ADGRL4: variants seen among roughly 807,000 people sequenced by gnomAD.
The protein encoded by ADGRL4 is EGF, latrophilin and seven transmembrane domain containing 1.
Under a neutral mutation model 74.8 loss-of-function variants are expected in ADGRL4, and 90 were observed. The observed-to-expected ratio is 1.20, with a 90% CI of 1.02 to 1.43. ADGRL4 has a LOEUF of 1.43. Ranked by LOEUF, ADGRL4 falls within the 40% of genes most tolerant of loss-of-function variation. The pLI is 0.00. For missense variants in ADGRL4, 881 were observed against 814.3 expected (o/e 1.08, Z -1.00); for synonymous variants, 311 against 279.2 (o/e 1.11, Z -1.14).
intron 2 of ADGRL4, among the ~76,000 whole-genome samples, chr1:78,985,937 G>C (rs1650485052): frequency 6.6e-6 from 1 of 151,670 alleles, no homozygotes; most frequent in South Asian, 2.1e-4. Flanking sequence ...ACCAAATAAT[G>C]CCATGTTCTC....
chr1:79,000,455 C>T (rs1279176615), intron 2 of ADGRL4, among the ~76,000 whole-genome samples: 1 of 152,152 alleles, frequency 6.6e-6, no homozygotes, highest in Non-Finnish European at 1.5e-5. Context: ...GTCAGCAAAA[C>T]TCAAATCACA....
chr1:78,975,442 A>G (rs530339841), intron 2 of ADGRL4, among the ~76,000 whole-genome samples: 17 of 152,140 alleles, frequency 1.1e-4, no homozygotes, highest in Non-Finnish European at 2.9e-5. Context: ...TGTCCCTTAA[A>G]CAATTATCTG....
chr1:78,946,350 A>G lies in ADGRL4; in HGVS notation c.249T>C (p.Tyr83=). The change falls in exon 3 of 15, where the codon TAT becomes TAC. Residue 83 remains tyrosine, a synonymous_variant. Transcript: ENST00000370742. ...ATCTGAAGCCAGGTACACACATACA[A>G]TAATAACTTCCTTCTGTGTTAGTGC... The part of the protein sequence containing the change: ...ANCTNTEGSY[Y]CMCVPGFRSS... 1 of 1,613,454 alleles carries G rather than the reference A, an allele frequency of 6.2e-7. No individual in the cohort carries two copies.
intron 2 of ADGRL4, among the ~76,000 whole-genome samples, chr1:78,975,156 G>A (rs17414239): frequency 0.23 from 35,428 of 151,978 alleles, 4,718 homozygotes; most frequent in Middle Eastern, 0.32. Context: ...AGAATTGGCA[G>A]TTTCTTTAGT....
At chr1:78,914,091 G>A (rs10158521) in intron 12 of ADGRL4, among the ~76,000 whole-genome samples, 42,778 of 151,678 alleles carry the variant, frequency 0.28, 6,129 homozygotes, top group African/African-American at 0.35. Context: ...TTCTCCCTCA[G>A]AAGGAATCTG....
chr1:78,950,714 A>G (rs1370877277), intron 2 of ADGRL4, among the ~76,000 whole-genome samples: 2 of 152,180 alleles, frequency 1.3e-5, no homozygotes, highest in Non-Finnish European at 2.9e-5. Flanking sequence ...TAAATTTTTC[A>G]TAATAAAATA....
chr1:78,944,372 G>T (rs1037943603), intron 3 of ADGRL4, among the ~76,000 whole-genome samples: 2 of 152,152 alleles, frequency 1.3e-5, no homozygotes, highest in African/African-American at 4.8e-5. Flanking sequence ...AAGGTAAAAA[G>T]CACATTATAT....
At chr1:78,950,714 A>T (rs1370877277) in intron 2 of ADGRL4, among the ~76,000 whole-genome samples, 2 of 152,180 alleles carry the variant, frequency 1.3e-5, no homozygotes, top group East Asian at 3.8e-4. Flanking sequence ...TAAATTTTTC[A>T]TAATAAAATA....
chr1:78,934,671 AC>A (rs1182247427), intron 7 of ADGRL4, among the ~76,000 whole-genome samples: 2 of 152,152 alleles, frequency 1.3e-5, no homozygotes, highest in Admixed American at 1.3e-4. Context: ...AAGGTCTAAT[AC>A]CCAGCATCTA....
At chr1:78,945,176 AAATATAT>A (rs1649570668) in intron 3 of ADGRL4, among the ~76,000 whole-genome samples, 1 of 131,298 alleles carries the variant, frequency 7.6e-6, no homozygotes, top group Non-Finnish European at 1.6e-5. Flanking sequence ...AAAAAAAAAA[AAATATAT>A]ATATATATAT....
intron 4 of ADGRL4, 25 bp from the exon 5 acceptor site, chr1:78,938,304 A>G (rs1428307064): frequency 1.3e-6 from 2 of 1,530,340 alleles, no homozygotes; most frequent in African/African-American, 1.4e-5. Context: ...GTCCAGAAAA[A>G]GGAAACTAAA....
At chr1:78,948,627 A>G (rs558939797) in intron 2 of ADGRL4, among the ~76,000 whole-genome samples, 1 of 152,220 alleles carries the variant, frequency 6.6e-6, no homozygotes, top group East Asian at 1.9e-4. Context: ...CATTTAATTA[A>G]TTTACCTATT....
At chr1:78,997,506 G>A (rs1472724447) in intron 2 of ADGRL4, among the ~76,000 whole-genome samples, 1 of 152,104 alleles carries the variant, frequency 6.6e-6, no homozygotes, top group African/African-American at 2.4e-5. Flanking sequence ...AAAATTTTGA[G>A]GTTATATCAA....
chr1:78,894,753 T>G (rs1008176270), intron 12 of ADGRL4, among the ~76,000 whole-genome samples: 1 of 152,006 alleles, frequency 6.6e-6, no homozygotes, highest in East Asian at 1.9e-4. Flanking sequence ...AAATAATTTT[T>G]ATGAGGTATT....
chr1:78,950,125 G>T lies in ADGRL4; in HGVS notation c.173-3699C>A, dbSNP rs191670644. 1.6e-4 allele frequency among the ~76,000 whole-genome samples: 25 copies of T among 152,236 alleles called. No individual in the cohort carries two copies. The East Asian group carries it at 3.7e-3, about 22-fold the overall frequency. On this transcript the variant is annotated intron_variant, in intron 2 of 14. Transcript: ENST00000370742. ...AATGGCTTCCTTAGGTCATTTGCAA[G>T]ATAAAAAGGTGAAGATTATTGACAG...
intron 2 of ADGRL4, among the ~76,000 whole-genome samples, chr1:78,954,719 A>C (rs893029921): frequency 6.6e-6 from 1 of 152,180 alleles, no homozygotes; most frequent in African/African-American, 2.4e-5. Flanking sequence ...TATATCACTA[A>C]AAGTTCAGTT....
At chr1:78,906,796 T>C (rs1053412039) in intron 12 of ADGRL4, among the ~76,000 whole-genome samples, 9 of 151,978 alleles carry the variant, frequency 5.9e-5, no homozygotes, top group African/African-American at 2.2e-4. Context: ...GAAGCTAAAA[T>C]AGAACTTTCG....
rs1436627350 is a variant in ADGRL4, at chr1:78,918,066, A to C, written c.1462-16T>G. The C allele has an allele frequency of 8.3e-6, 13 of 1,567,346 alleles. No homozygotes were observed. The highest frequency in any genetic ancestry group is 1.0e-5 in the Non-Finnish European group (12 of 1,155,836). ...AACAGAAGAGCTAGAAATCAAAGAAAAAAAAAAAAACATTGTCAGTGTTTG... is the reference window on the plus strand; with the variant it reads ...AACAGAAGAGCTAGAAATCAAAGAACAAAAAAAAAACATTGTCAGTGTTTG... On this transcript the variant is annotated splice_polypyrimidine_tract_variant and intron_variant, in intron 10 of 14. Transcript: ENST00000370742.
At chr1:78,985,469 T>A (rs912885307) in intron 2 of ADGRL4, among the ~76,000 whole-genome samples, 1 of 151,998 alleles carries the variant, frequency 6.6e-6, no homozygotes, top group Non-Finnish European at 1.5e-5. Context: ...AGTTTATTAC[T>A]TATTTGATCA....
Sources: allele counts gnomAD v4.1 joint callset (sites outside exome capture counted in the v4.1 genomes callset), GRCh38; gene constraint gnomAD v4.1.1; transcripts MANE v1.5; gene names NCBI Gene and HGNC (gene_info 2026-07-23, HGNC 2026-07-21).